IL9R: variants seen among roughly 807,000 people sequenced by gnomAD.
The protein encoded by IL9R is interleukin-9 receptor.
A neutral mutation model predicts 56.3 loss-of-function variants in IL9R; 54 were observed. The observed-to-expected ratio is 0.96, with a 90% confidence interval of 0.77 to 1.20. The LOEUF (loss-of-function observed/expected upper bound fraction) is 1.20. Ranked by LOEUF, IL9R falls within the 50% of genes most tolerant of loss-of-function variation. The pLI, the probability that IL9R is intolerant of heterozygous loss-of-function variation, is 0.00. For missense variants in IL9R, 545 were observed against 629.8 expected, an observed-to-expected ratio of 0.87 and a Z score of 1.44; for synonymous variants, 212 against 250.2, an observed-to-expected ratio of 0.85 and a Z score of 1.44.
chrX:155,998,363 G>T (rs1243918451), intron 1 of IL9R, among the ~76,000 whole-genome samples: 1 of 151,828 alleles, frequency 6.6e-6, no homozygotes, highest in African/African-American at 2.4e-5. Flanking sequence ...GGAGGAGAGG[G>T]TTTGTTTTGG....
intron 8 of IL9R, among the ~76,000 whole-genome samples, chrX:156,009,294 GTT>G (rs2068306473): frequency 3.3e-5 from 4 of 121,096 alleles, no homozygotes; most frequent in Admixed American, 8.3e-5. Flanking sequence ...GTGTGTGTGT[GTT>G]TATGTGTGTG....
chrX:156,009,061 TTGTG>T (rs1382847096), intron 8 of IL9R, among the ~76,000 whole-genome samples: 22 of 121,892 alleles, frequency 1.8e-4, no homozygotes, highest in African/African-American at 5.4e-4. Context: ...CTGTGTGTGT[TTGTG>T]TGTGTGTCTG....
chrX:156,000,469 T>C (rs1208159921), intron 1 of IL9R, among the ~76,000 whole-genome samples: 3 of 152,142 alleles, frequency 2.0e-5, no homozygotes, highest in Non-Finnish European at 4.4e-5. Flanking sequence ...AAAGTGATCA[T>C]GGGCTGAAGG....
chrX:156,001,846 A>T (rs1312548113), intron 1 of IL9R, among the ~76,000 whole-genome samples: 4 of 151,992 alleles, frequency 2.6e-5, no homozygotes, highest in African/African-American at 9.7e-5. Flanking sequence ...TCCCCTAGGG[A>T]TCCTGGGGCT....
intron 1 of IL9R, 166 bp from the exon 2 acceptor site, chrX:156,002,740 C>A: frequency 1.0e-6 from 1 of 956,826 alleles, no homozygotes. Flanking sequence ...TCAGTAAAGC[C>A]TGGACAGTGG....
At chrX:156,005,165 C>A in intron 5 of IL9R, 113 bp from the exon 6 acceptor site, 1 of 803,400 alleles carries the variant, frequency 1.2e-6, no homozygotes, top group Non-Finnish European at 2.1e-6. Flanking sequence ...TGTGTGTTAA[C>A]ACAAGTGTGT....
intron 5 of IL9R, 21 bp downstream of exon 5, chrX:156,004,586 C>G: frequency 6.2e-7 from 1 of 1,611,608 alleles, no homozygotes; most frequent in Non-Finnish European, 8.5e-7. Context: ...GGCTGGCTTT[C>G]CCTGGGGGCC....
At chrX:156,004,385 G>A in intron 4 of IL9R, 35 bp from the exon 5 acceptor site, 1 of 1,612,274 alleles carries the variant, frequency 6.2e-7, no homozygotes, top group Non-Finnish European at 8.5e-7. Context: ...CAGACCCATG[G>A]GGCTTCAGCC....
Position 156,003,766 on chromosome X carries a change from C to T in IL9R, c.344C>T (p.Ser115Phe). The change falls in exon 4 of 9, where the codon TCT becomes TTT. Residue 115 changes from serine to phenylalanine, a missense_variant. Physicochemically the swap from Ser to Phe is radical, Grantham distance 155. Coordinates refer to ENST00000244174, the MANE Select transcript of IL9R (RefSeq NM_002186.3). ...CCACCTGAGGCAGTGCTCGTGCCAT[C>T]TGACAATTTCACCATCACTTTCCAC... ...VLPPEAVLVP[S>F]DNFTITFHHC... 6.2e-7 allele frequency: 1 copy of T among 1,614,014 alleles called. No homozygotes were observed. The highest frequency in any genetic ancestry group is 1.1e-5 in the South Asian group (1 of 91,066).
At chrX:156,005,524 G>A in intron 6 of IL9R, 45 bp downstream of exon 6, 1 of 1,533,786 alleles carries the variant, frequency 6.5e-7, no homozygotes, top group Non-Finnish European at 9.0e-7. Context: ...AGTCTGGGCT[G>A]GGCGTCTTCT....
chrX:155,998,928 G>C (rs1029678272), intron 1 of IL9R, among the ~76,000 whole-genome samples: 14 of 152,152 alleles, frequency 9.2e-5, no homozygotes, highest in African/African-American at 3.4e-4. Context: ...GGAAGAGCAC[G>C]GACATCATTT....
At chrX:155,998,422 G>T (rs1350242250) in intron 1 of IL9R, among the ~76,000 whole-genome samples, 1 of 151,998 alleles carries the variant, frequency 6.6e-6, no homozygotes, top group African/African-American at 2.4e-5. Context: ...GCCTGTTCTT[G>T]TGATGAGCTG....
chrX:156,001,019 C>T (rs1042798846), intron 1 of IL9R, among the ~76,000 whole-genome samples: 2 of 152,130 alleles, frequency 1.3e-5, no homozygotes, highest in African/African-American at 2.4e-5. Flanking sequence ...AGAGGAAAAG[C>T]AGAGAACTTC....
chrX:156,004,369 C>A (rs2067758668), intron 4 of IL9R, 51 bp from the exon 5 acceptor site: 26 of 1,601,036 alleles, frequency 1.6e-5, no homozygotes, highest in Non-Finnish European at 1.9e-5. Flanking sequence ...TTCTGACTGA[C>A]ACACCCAGAC....
chrX:156,006,616 A>G (rs1354860082), intron 7 of IL9R, among the ~76,000 whole-genome samples: 1 of 151,544 alleles, frequency 6.6e-6, no homozygotes, highest in Non-Finnish European at 1.5e-5. Context: ...TGTTCTCAGA[A>G]CAAGATGGAC....
rs2067643289 is a variant in IL9R at position 156,002,992 on chromosome X, G to T, written c.115G>T (p.Gly39Ter). The T allele has an allele frequency of 6.2e-7, 1 of 1,613,750 alleles. No individual in the cohort carries two copies. Among genetic ancestry groups the T allele is most frequent in the South Asian group, 1.1e-5 (1 of 91,074 alleles). The change falls in exon 2 of 9, where the codon GGA becomes TGA. Residue 39 changes from glycine (G) to a stop codon, truncating the protein, a stop_gained. Coordinates refer to ENST00000244174, the MANE Select transcript of IL9R (RefSeq NM_002186.3). LOFTEE classifies it high-confidence loss of function. ...CTGCATCTGCACCTGTGTCTGCTTG[G>T]GAGTCTCTGTCACAGGGGAAGGACA... The part of the protein sequence containing the change: ...CICICTCVCL[G>*]VSVTGEGQGP...
chrX:156,002,797 G>T, intron 1 of IL9R, 109 bp from the exon 2 acceptor site: 5 of 1,480,578 alleles, frequency 3.4e-6, no homozygotes, highest in Non-Finnish European at 3.8e-6. Context: ...AGGACACTGT[G>T]TGAGTGCAGG....
chrX:156,003,143 C>T, intron 2 of IL9R, 124 bp downstream of exon 2: 5 of 1,185,968 alleles, frequency 4.2e-6, no homozygotes, highest in Admixed American at 1.9e-5. Flanking sequence ...GGGGCATGTC[C>T]TCTAGGGGTC....
chrX:155,998,687 C>T (rs1032215265), intron 1 of IL9R, among the ~76,000 whole-genome samples: 3 of 152,054 alleles, frequency 2.0e-5, no homozygotes, highest in South Asian at 4.1e-4. Context: ...ACATGAACAC[C>T]GTCCAGAAGC....
Sources: gnomAD v4.1 joint callset for allele counts (sites outside exome capture counted in the v4.1 genomes callset) on GRCh38, gnomAD v4.1.1 for gene constraint, MANE v1.5 for transcripts, NCBI Gene and HGNC (gene_info 2026-07-23, HGNC 2026-07-21) for gene names.